The following TRABD2B variants were observed in gnomAD, a reference collection of about 807,000 sequenced individuals.
The protein encoded by TRABD2B is TraB domain containing 2B.
In TRABD2B, 14 loss-of-function variants were observed where a neutral mutation model predicts 40.1. The ratio of observed to expected loss-of-function variants is 0.35; its 90% CI spans 0.23 to 0.55. The LOEUF (loss-of-function observed/expected upper bound fraction) is 0.55, where lower values mean the gene tolerates loss of function less well. Ranked by LOEUF, TRABD2B falls within the 20% of genes least tolerant of loss-of-function variation. The probability of loss-of-function intolerance (pLI) is 0.90; values close to 1 mark genes in which losing one functional copy is unlikely to be tolerated. For missense variants in TRABD2B, 541 were observed against 648.6 expected (o/e 0.83, Z 1.80); for synonymous variants, 263 against 277.0 (o/e 0.95, Z 0.50).
intron 4 of TRABD2B, among the ~76,000 whole-genome samples, chr1:47,786,845 A>G (rs931610936): frequency 1.3e-5 from 2 of 152,112 alleles, no homozygotes; most frequent in Non-Finnish European, 2.9e-5. Context: ...GACTATAGGC[A>G]TGCATCACCA....
rs1363406023 is a variant in TRABD2B at position 47,813,669 on chromosome 1, T to C, written c.667-12050A>G. On this transcript the variant is annotated intron_variant, in intron 2 of 6. Transcript: ENST00000606738. This position sits in a 1 kb window ranked among gnomAD's most constrained non-coding sequence, Gnocchi z 4.3. The stretch of plus-strand genomic sequence containing the variant: ...GCATTCTAAAAACCTTGTAAAGCAA[T>C]ATTGCCCTTCCTTAGGACACATACC... 6.6e-6 allele frequency among the ~76,000 whole-genome samples: 1 copy of C among 152,122 alleles called. No individual in the cohort carries two copies.
Position 47,996,598 on chromosome 1 carries a change from G to A in TRABD2B, c.102+90C>T. ...GGTGGAGGTGGAGCGGGCGGGCTAA[G>A]GTGGGTGCGGAAGCAGGACCCAAAC... On this transcript the variant is annotated intron_variant, in intron 1 of 6. Transcript: ENST00000606738. The surrounding 1 kb of genome is among the most constrained non-coding windows in gnomAD (Gnocchi z 4.6). 1 of 1,181,092 alleles carries A rather than the reference G, an allele frequency of 8.5e-7. No homozygotes were observed. The highest frequency in any genetic ancestry group is 1.1e-6 in the Non-Finnish European group (1 of 952,188). 73.2% of individuals were successfully genotyped at this position (1,181,092 alleles called of 1,614,324 possible). A position where few individuals can be genotyped will look rare whatever the true frequency, so the allele number is the denominator to read the frequency against.
chr1:47,957,589 C>T (rs1054301556), intron 2 of TRABD2B, among the ~76,000 whole-genome samples: 4 of 151,884 alleles, frequency 2.6e-5, no homozygotes, highest in African/African-American at 9.7e-5. Flanking sequence ...GTAGCCGATT[C>T]GATCAACTGG....
intron 1 of TRABD2B, among the ~76,000 whole-genome samples, chr1:47,995,832 G>A (rs1214805454): frequency 1.3e-5 from 2 of 152,322 alleles, no homozygotes; most frequent in Non-Finnish European, 2.9e-5. Context: ...CGAGCTCCCT[G>A]TTTGTGCACA....
chr1:47,846,475 A>G (rs553797152), intron 2 of TRABD2B, among the ~76,000 whole-genome samples: 1 of 152,308 alleles, frequency 6.6e-6, no homozygotes, highest in African/African-American at 2.4e-5. Context: ...GTATGACCAT[A>G]GCTGGGGCTG....
At chr1:47,864,447 G>A (rs1440915308) in intron 2 of TRABD2B, among the ~76,000 whole-genome samples, 1 of 151,572 alleles carries the variant, frequency 6.6e-6, no homozygotes, top group African/African-American at 2.4e-5. Context: ...CAATGTTGTT[G>A]TAAACCTAAA....
At chr1:47,973,072 A>G (rs1645704385) in intron 2 of TRABD2B, among the ~76,000 whole-genome samples, 1 of 152,256 alleles carries the variant, frequency 6.6e-6, no homozygotes, top group African/African-American at 2.4e-5. Context: ...CTGGTGTTCA[A>G]TAAATACTTG....
intron 2 of TRABD2B, among the ~76,000 whole-genome samples, chr1:47,921,674 G>A (rs1446051638): frequency 1.3e-5 from 2 of 152,116 alleles, no homozygotes; most frequent in Non-Finnish European, 2.9e-5. Flanking sequence ...AACCCTCTTT[G>A]GCTTCACGAA....
chr1:47,977,680 G>GAAAA, intron 2 of TRABD2B, among the ~76,000 whole-genome samples: 1 of 131,540 alleles, frequency 7.6e-6, no homozygotes, highest in East Asian at 2.2e-4. Flanking sequence ...TGGCCGGGAT[G>GAAAA]AAAAAAAAAA....
At chr1:47,880,571 C>T (rs985729539) in intron 2 of TRABD2B, among the ~76,000 whole-genome samples, 7 of 152,108 alleles carry the variant, frequency 4.6e-5, no homozygotes, top group Admixed American at 4.6e-4. Flanking sequence ...AGTGGGGAGT[C>T]GCTAGGTTTT....
intron 6 of TRABD2B, 64 bp from the exon 7 acceptor site, chr1:47,766,170 G>A: frequency 1.4e-6 from 1 of 694,066 alleles, no homozygotes; most frequent in Middle Eastern, 3.3e-4. Context: ...AGAAGCCTTG[G>A]GGCTCAGATC....
At chr1:47,818,408 G>A (rs920879252) in intron 2 of TRABD2B, among the ~76,000 whole-genome samples, 3 of 152,222 alleles carry the variant, frequency 2.0e-5, no homozygotes, top group African/African-American at 4.8e-5. Flanking sequence ...TGACAGGAGT[G>A]GGGTGTTCAC....
At chr1:47,840,035 G>A (rs1362710291) in intron 2 of TRABD2B, among the ~76,000 whole-genome samples, 1 of 152,122 alleles carries the variant, frequency 6.6e-6, no homozygotes, top group Non-Finnish European at 1.5e-5. Context: ...TTACCTCCTC[G>A]GATTCTGTTC....
rs1481371242 is a variant in TRABD2B, at chr1:47,994,580, G to C, written c.120C>G (p.Ser40=). The C allele has an allele frequency of 1.3e-6, 2 of 1,535,430 alleles. No individual in the cohort carries two copies. The highest frequency in any genetic ancestry group is 1.7e-6 in the Non-Finnish European group (2 of 1,146,706). ...RPPGSQRDLN[S]FLWTIRRDPP... ...GATCACGCCGAATCGTCCACAGGAA[G>C]GAGTTCAAGTCCCTCTGCTGCAGGA... is the stretch of plus-strand genomic sequence containing the variant. Residue 40 remains serine, a synonymous_variant, in exon 2 of 7, where the codon TCC becomes TCG. Transcript: ENST00000606738. This position sits in a 1 kb window ranked among gnomAD's most constrained non-coding sequence, Gnocchi z 6.7.
intron 3 of TRABD2B, chr1:47,795,592 T>C: frequency 1.0e-6 from 1 of 956,082 alleles, no homozygotes; most frequent in Non-Finnish European, 1.2e-6. Flanking sequence ...GAGTCCCAGC[T>C]TTGTCACTTG....
chr1:47,968,554 A>G, intron 2 of TRABD2B, among the ~76,000 whole-genome samples: 1 of 150,812 alleles, frequency 6.6e-6, no homozygotes, highest in South Asian at 2.1e-4. Flanking sequence ...ACATGCGTGC[A>G]CACACACACA....
Position 47,791,590 on chromosome 1 carries a change from C to G in TRABD2B, c.988+2996G>C, listed in dbSNP as rs528390388. ...CCAGGGTCCCCACTGCCCGGCAGTCCGGGGACAGAACTGCAGGGGCCCCCA... is the reference window on the plus strand; with the variant it reads ...CCAGGGTCCCCACTGCCCGGCAGTCGGGGGACAGAACTGCAGGGGCCCCCA... On this transcript the variant is annotated intron_variant, in intron 4 of 6. Coordinates refer to ENST00000606738, the MANE Select transcript of TRABD2B (RefSeq NM_001194986.2). 3.3e-5 allele frequency among the ~76,000 whole-genome samples: 5 copies of G among 152,242 alleles called. 1 individual carries two copies. In the South Asian group the frequency reaches 1.0e-3, roughly 32 times the overall value.
intron 2 of TRABD2B, among the ~76,000 whole-genome samples, chr1:47,877,010 A>G (rs2124611411): frequency 6.6e-6 from 1 of 152,294 alleles, no homozygotes; most frequent in African/African-American, 2.4e-5. Flanking sequence ...TCAGGTAAGG[A>G]AGAGAGACAA....
At chr1:47,864,509 C>T (rs1345535795) in intron 2 of TRABD2B, among the ~76,000 whole-genome samples, 2 of 151,954 alleles carry the variant, frequency 1.3e-5, no homozygotes, top group Non-Finnish European at 2.9e-5. Flanking sequence ...TGTTGAGAAA[C>T]TTTAGTCTAC....
Sources: allele counts gnomAD v4.1 joint callset (sites outside exome capture counted in the v4.1 genomes callset), GRCh38; gene constraint gnomAD v4.1.1; non-coding constraint Gnocchi (gnomAD v3.1); transcripts MANE v1.5; gene names NCBI Gene and HGNC (gene_info 2026-07-23, HGNC 2026-07-21).